ERICH3: variants seen among roughly 807,000 people sequenced by gnomAD.
ERICH3 encodes glutamate-rich protein 3.
A neutral mutation model predicts 131.1 loss-of-function variants in ERICH3; 126 were observed. The observed-to-expected ratio is 0.96, with a 90% confidence interval of 0.83 to 1.11. ERICH3 has a LOEUF of 1.11. ERICH3 is among the 50% of genes most tolerant of loss of function. The pLI is 0.00. For missense variants in ERICH3, 2,050 were observed against 1,810.7 expected (o/e 1.13, Z -2.40); for synonymous variants, 695 against 644.6 (o/e 1.08, Z -1.18).
chr1:74,643,005 A>G, intron 4 of ERICH3, 22 bp downstream of exon 4: 1 of 1,527,918 alleles, frequency 6.5e-7, no homozygotes, highest in Non-Finnish European at 9.0e-7. Flanking sequence ...ATGAAGTAAA[A>G]GAGAGTTATA....
chr1:74,605,998 G>T (rs1393254172), intron 10 of ERICH3, among the ~76,000 whole-genome samples: 1 of 145,736 alleles, frequency 6.9e-6, no homozygotes, highest in African/African-American at 2.5e-5. Context: ...ATATATGAAT[G>T]CGCGTGTGTC....
chr1:74,595,849 C>CAAAT (rs1367664659), intron 11 of ERICH3, among the ~76,000 whole-genome samples: 2 of 152,056 alleles, frequency 1.3e-5, no homozygotes, highest in Non-Finnish European at 2.9e-5. Flanking sequence ...CATTAAGAAA[C>CAAAT]ATTTAAGTTT....
rs374692642 is a variant in ERICH3, at chr1:74,589,882, A to G, written c.1925T>C (p.Ile642Thr). 5 of 1,613,876 alleles carry G rather than the reference A, an allele frequency of 3.1e-6. No homozygotes were observed. The highest frequency in any genetic ancestry group is 4.2e-6 in the Non-Finnish European group (5 of 1,179,942). ...TGTTATTTCTTGGTCTTCAATTTCA[A>G]TTTCTAAGGATTCCTCAATTGGAAG... ...SHLPIEESLEIEIEDQEITKA... is the reference protein window; with the variant it reads ...SHLPIEESLETEIEDQEITKA... Residue 642 changes from isoleucine (I) to threonine (T), a missense_variant, in exon 12 of 15, where the codon ATT (isoleucine) becomes ACT (threonine). Ile to Thr is a moderately conservative substitution (Grantham distance 89, BLOSUM62 -1). Transcript: ENST00000326665.
At chr1:74,602,276 T>G (rs746539403) in intron 10 of ERICH3, among the ~76,000 whole-genome samples, 2 of 151,936 alleles carry the variant, frequency 1.3e-5, no homozygotes, top group Non-Finnish European at 2.9e-5. Context: ...ATCATCACAT[T>G]TAAGTATTAG....
rs377297219 is a variant in ERICH3, at chr1:74,574,636, T to A, written c.2219-1145A>T. Reference sequence around the variant, plus strand: ...CAGTTTTCAGCATAAATAATCTTCTTAGAGTACAAGTGTTCACCCATAATT... The same window carrying A: ...CAGTTTTCAGCATAAATAATCTTCTAAGAGTACAAGTGTTCACCCATAATT... On this transcript the variant is annotated intron_variant, in intron 13 of 14. Transcript: ENST00000326665. Among the ~76,000 whole-genome samples, 4 of 152,210 alleles carry A rather than the reference T, an allele frequency of 2.6e-5. No individual in the cohort carries two copies. In the East Asian group the frequency reaches 5.8e-4, roughly 22 times the overall value.
At chr1:74,600,320 C>A (rs1328113790) in intron 10 of ERICH3, among the ~76,000 whole-genome samples, 2 of 151,744 alleles carry the variant, frequency 1.3e-5, no homozygotes, top group Non-Finnish European at 2.9e-5. Context: ...CCAGTGAGGT[C>A]ATATTTCATA....
At chr1:74,593,588 TA>T (rs1647707589) in intron 11 of ERICH3, among the ~76,000 whole-genome samples, 1 of 152,174 alleles carries the variant, frequency 6.6e-6, no homozygotes, top group Non-Finnish European at 1.5e-5. Flanking sequence ...TAGCATATTC[TA>T]ATAAATTTCT....
chr1:74,581,028 T>G (rs1647168172), intron 12 of ERICH3, among the ~76,000 whole-genome samples: 1 of 152,210 alleles, frequency 6.6e-6, no homozygotes, highest in African/African-American at 2.4e-5. Flanking sequence ...TTCCAGAGTT[T>G]GTTTTCCTGT....
intron 1 of ERICH3, among the ~76,000 whole-genome samples, chr1:74,652,339 G>T (rs980040506): frequency 6.6e-6 from 1 of 151,974 alleles, no homozygotes; most frequent in Non-Finnish European, 1.5e-5. Flanking sequence ...ATGCTGCGTG[G>T]GCCAGTGTCA....
At position 74,571,470 on chromosome 1, in the gene ERICH3, C is replaced by T. The variant is rs907093983; in HGVS notation, c.4240G>A (p.Glu1414Lys). ...GTCATCTCCTCTGCTGCTGGCACTT[C>T]CTCCCCACTCCGTGCTAATTCCTCT... The part of the protein sequence containing the change: ...VVEELARSGE[E>K]VPAAEEMTVT... The change falls in exon 14 of 15, where the codon GAA becomes AAA. Residue 1414 changes from glutamate (E) to lysine (K), a missense_variant. Transcript: ENST00000326665. 34 of 1,614,006 alleles carry T rather than the reference C, an allele frequency of 2.1e-5. No individual in the cohort carries two copies. The highest frequency in any genetic ancestry group is 2.7e-5 in the African/African-American group (2 of 74,904).
intron 12 of ERICH3, chr1:74,586,475 C>T: frequency 3.0e-6 from 3 of 984,410 alleles, no homozygotes; most frequent in Non-Finnish European, 3.6e-6. Context: ...GAAAGACTTT[C>T]ACTTTCACTT....
At chr1:74,628,423 T>C (rs1649485446) in intron 7 of ERICH3, among the ~76,000 whole-genome samples, 1 of 152,190 alleles carries the variant, frequency 6.6e-6, no homozygotes, top group East Asian at 1.9e-4. Context: ...ATAAATACAG[T>C]ACAGTAGTAT....
intron 6 of ERICH3, among the ~76,000 whole-genome samples, chr1:74,634,328 A>C (rs1646368307): frequency 6.6e-6 from 1 of 152,134 alleles, no homozygotes; most frequent in East Asian, 1.9e-4. Context: ...ATGCTCAATA[A>C]ATATTTACTA....
intron 4 of ERICH3, among the ~76,000 whole-genome samples, chr1:74,642,545 A>G (rs1216574087): frequency 1.3e-5 from 2 of 151,640 alleles, no homozygotes; most frequent in Non-Finnish European, 1.5e-5. Context: ...AAGAATTTTA[A>G]AATGCATTTT....
At chr1:74,579,985 T>G (rs1030323709) in intron 12 of ERICH3, 1 of 720,920 alleles carries the variant, frequency 1.4e-6, no homozygotes, top group Non-Finnish European at 1.7e-6. Flanking sequence ...ATTCTTATTT[T>G]ACAATGTCAG....
chr1:74,588,421 T>C (rs1266720500), intron 12 of ERICH3, among the ~76,000 whole-genome samples: 1 of 152,166 alleles, frequency 6.6e-6, no homozygotes, highest in Non-Finnish European at 1.5e-5. Context: ...TTGTGCATAG[T>C]AGAAGATTAA....
chr1:74,626,936 A>T (rs1385319469), intron 7 of ERICH3, among the ~76,000 whole-genome samples: 1 of 152,166 alleles, frequency 6.6e-6, no homozygotes, highest in Non-Finnish European at 1.5e-5. Flanking sequence ...GATACCAGCA[A>T]GCCACATTTC....
chr1:74,646,387 T>C (rs1391763504), intron 3 of ERICH3, among the ~76,000 whole-genome samples: 1 of 152,078 alleles, frequency 6.6e-6, no homozygotes, highest in Admixed American at 6.6e-5. Context: ...TATCACAAAA[T>C]ATATAATGAT....
In ERICH3 at chr1:74,571,858, C is replaced by T. The variant is rs776259349; in HGVS notation, c.3852G>A (p.Lys1284=). The T allele has an allele frequency of 1.9e-6, 3 of 1,612,052 alleles. No individual in the cohort carries two copies. In the East Asian group the frequency reaches 6.7e-5, roughly 36 times the overall value. Residue 1284 remains lysine (K), a synonymous_variant, in exon 14 of 15, where the codon AAG becomes AAA. Coordinates refer to ENST00000326665, the MANE Select transcript of ERICH3 (RefSeq NM_001002912.5). ...CCTCATCCACCGCTTCCTCCCTGAA[C>T]TTTTCTGCCATTATGGGATCTTCCT... is the stretch of plus-strand genomic sequence containing the variant. ...VAEEDPIMAE[K]FREEAVDEDP... is the part of the protein sequence containing the mutation.
Sources: allele counts gnomAD v4.1 joint callset (sites outside exome capture counted in the v4.1 genomes callset), GRCh38; gene constraint gnomAD v4.1.1; transcripts MANE v1.5; gene names NCBI Gene and HGNC (gene_info 2026-07-23, HGNC 2026-07-21).